FSTL4: variants seen among roughly 807,000 people sequenced by gnomAD.
FSTL4 encodes follistatin-related protein 4.
A neutral mutation model predicts 78.2 loss-of-function variants in FSTL4; 28 were observed. That is an observed-to-expected ratio of 0.36 (90% CI 0.27 to 0.49). FSTL4 has a LOEUF of 0.49. FSTL4 is among the 20% of genes least tolerant of loss of function. The pLI, the probability that FSTL4 is intolerant of heterozygous loss-of-function variation, is 0.98. For missense variants in FSTL4, 922 were observed against 1,084.9 expected, an observed-to-expected ratio of 0.85 and a Z score of 2.11; for synonymous variants, 422 against 440.5, an observed-to-expected ratio of 0.96 and a Z score of 0.53.
At chr5:133,816,416 A>G in the FSTL4 span, among the ~76,000 whole-genome samples, 1 of 152,198 alleles carries the variant, frequency 6.6e-6, no homozygotes, top group Non-Finnish European at 1.5e-5. Context: ...AAGTTTGCAC[A>G]GTCCTGGTTT....
chr5:133,553,982 G>C (rs552579398), intron 3 of FSTL4, among the ~76,000 whole-genome samples: 1 of 152,288 alleles, frequency 6.6e-6, no homozygotes, highest in Non-Finnish European at 1.5e-5. Context: ...TCCCTCCTCT[G>C]CTACTCACTA....
At chr5:133,335,424 A>G (rs1293922972) in intron 4 of FSTL4, among the ~76,000 whole-genome samples, 3 of 152,024 alleles carry the variant, frequency 2.0e-5, no homozygotes, top group Non-Finnish European at 4.4e-5. Context: ...TGACACAAAA[A>G]GAGACGTCAA....
intron 3 of FSTL4, among the ~76,000 whole-genome samples, chr5:133,479,657 G>A (rs961314024): frequency 6.6e-6 from 1 of 152,204 alleles, no homozygotes; most frequent in African/African-American, 2.4e-5. Flanking sequence ...GACAAAAAGT[G>A]AGTTAGGGGT....
At chr5:133,487,405 C>A (rs978286195) in intron 3 of FSTL4, among the ~76,000 whole-genome samples, 1 of 152,182 alleles carries the variant, frequency 6.6e-6, no homozygotes, top group African/African-American at 2.4e-5. Flanking sequence ...GGAGCATGAG[C>A]CACTCTGAGG....
chr5:133,361,202 G>A lies in FSTL4; in HGVS notation c.409+39536C>T, dbSNP rs11959187. ...GCTCTAATAAACTTTTCAAGGAGGG[G>A]TCGCATTCCGACCCTGCAGTGCTGG... On this transcript the variant is annotated intron_variant, in intron 4 of 15. Coordinates refer to ENST00000265342, the MANE Select transcript of FSTL4 (RefSeq NM_015082.2). The surrounding 1 kb of genome is among the most constrained non-coding windows in gnomAD (Gnocchi z 4.3). Among the ~76,000 whole-genome samples the A allele has an allele frequency of 9.8e-3, 1,499 of 152,276 alleles. 8 individuals carry two copies. Among genetic ancestry groups the A allele is most frequent in the Middle Eastern group, 0.024 (7 of 294 alleles).
At chr5:133,761,974 G>T in the FSTL4 span, among the ~76,000 whole-genome samples, 1 of 152,124 alleles carries the variant, frequency 6.6e-6, no homozygotes, top group Non-Finnish European at 1.5e-5. Flanking sequence ...AACATCTGAG[G>T]ATTTGTAAAA....
intron 2 of FSTL4, among the ~76,000 whole-genome samples, chr5:133,582,610 A>G (rs775278951): frequency 4.1e-4 from 63 of 152,212 alleles, no homozygotes; most frequent in Non-Finnish European, 7.6e-4. Context: ...AGGTTGGGGG[A>G]AAGGCATCTG....
intron 3 of FSTL4, among the ~76,000 whole-genome samples, chr5:133,550,500 G>A (rs1207146136): frequency 2.0e-5 from 3 of 152,088 alleles, no homozygotes; most frequent in Non-Finnish European, 2.9e-5. Flanking sequence ...CCCAACTGTG[G>A]GTGAATAATA....
intron 6 of FSTL4, among the ~76,000 whole-genome samples, chr5:133,255,434 C>G (rs1216022938): frequency 6.6e-6 from 1 of 152,194 alleles, no homozygotes; most frequent in Non-Finnish European, 1.5e-5. Context: ...CATGATATCC[C>G]CCTGGGATGA....
intron 4 of FSTL4, among the ~76,000 whole-genome samples, chr5:133,400,427 C>T (rs1196240600): frequency 2.0e-5 from 3 of 152,168 alleles, no homozygotes; most frequent in African/African-American, 7.2e-5. Context: ...TGCAAAGGCC[C>T]GTCCTATGTG....
At chr5:133,816,485 G>T in the FSTL4 span, among the ~76,000 whole-genome samples, 1 of 152,138 alleles carries the variant, frequency 6.6e-6, no homozygotes, top group Non-Finnish European at 1.5e-5. Context: ...ATTTACAATG[G>T]AGATGCTGAC....
intron 6 of FSTL4, among the ~76,000 whole-genome samples, chr5:133,311,402 G>A (rs764334526): frequency 6.6e-6 from 1 of 152,094 alleles, no homozygotes; most frequent in South Asian, 2.1e-4. Flanking sequence ...TGGAACCTGG[G>A]GTGGACTTTG....
intron 6 of FSTL4, among the ~76,000 whole-genome samples, chr5:133,250,828 G>A (rs930419553): frequency 2.0e-5 from 3 of 152,224 alleles, no homozygotes; most frequent in Non-Finnish European, 2.9e-5. Flanking sequence ...GAGTGGCTCC[G>A]CCCTGGGCTC....
At chr5:133,494,907 G>C (rs1409325265) in intron 3 of FSTL4, among the ~76,000 whole-genome samples, 1 of 152,196 alleles carries the variant, frequency 6.6e-6, no homozygotes, top group East Asian at 1.9e-4. Flanking sequence ...AGTGAACTGT[G>C]TGTTTTCCTT....
the FSTL4 span, among the ~76,000 whole-genome samples, chr5:133,815,537 G>C: frequency 2.0e-5 from 3 of 152,182 alleles, no homozygotes; most frequent in East Asian, 5.8e-4. Flanking sequence ...GTAAGATGTG[G>C]CACAGTGGTA....
chr5:133,507,729 G>A (rs2112884168), intron 3 of FSTL4, among the ~76,000 whole-genome samples: 1 of 151,766 alleles, frequency 6.6e-6, no homozygotes. Context: ...CGCTATGTTG[G>A]CCAGGATGGT....
intron 3 of FSTL4, among the ~76,000 whole-genome samples, chr5:133,439,678 A>G (rs1757110377): frequency 6.6e-6 from 1 of 152,186 alleles, no homozygotes; most frequent in African/African-American, 2.4e-5. Context: ...GAGGTGCTGC[A>G]AGCTCTGGTA....
At chr5:133,686,720 A>G in the FSTL4 span, among the ~76,000 whole-genome samples, 1 of 152,234 alleles carries the variant, frequency 6.6e-6, no homozygotes, top group South Asian at 2.1e-4. Context: ...ACTTATTCAG[A>G]GTTACAAGGA....
chr5:133,558,356 G>C (rs1408696014), intron 3 of FSTL4, among the ~76,000 whole-genome samples: 1 of 152,164 alleles, frequency 6.6e-6, no homozygotes, highest in Admixed American at 6.5e-5. Context: ...GCAGAGAATG[G>C]AGCTGAGAAG....
Sources: gnomAD v4.1 joint callset for allele counts (sites outside exome capture counted in the v4.1 genomes callset) on GRCh38, gnomAD v4.1.1 for gene constraint, Gnocchi (gnomAD v3.1) non-coding constraint, MANE v1.5 for transcripts, NCBI Gene and HGNC (gene_info 2026-07-23, HGNC 2026-07-21) for gene names.